FAM13C: variants seen among roughly 807,000 people sequenced by gnomAD.
FAM13C encodes the protein family with sequence similarity 13 member C.
A neutral mutation model predicts 73.2 loss-of-function variants in FAM13C; 37 were observed. The observed-to-expected ratio is 0.51, with a 90% CI of 0.39 to 0.67. The LOEUF (loss-of-function observed/expected upper bound fraction) is 0.67. FAM13C is among the 30% of genes least tolerant of loss of function. The pLI, the probability that FAM13C is intolerant of heterozygous loss-of-function variation, is 0.00. For synonymous variants in FAM13C, 246 were observed against 260.9 expected (o/e 0.94, Z 0.55); for missense variants, 589 against 715.6 (o/e 0.82, Z 2.02).
intron 4 of FAM13C, among the ~76,000 whole-genome samples, chr10:59,310,094 G>GAGC (rs1848745959): frequency 6.6e-6 from 1 of 152,194 alleles, no homozygotes; most frequent in Non-Finnish European, 1.5e-5. Flanking sequence ...AGTAAAAAGA[G>GAGC]AGCATCCAAC....
intron 8 of FAM13C, among the ~76,000 whole-genome samples, chr10:59,264,758 A>G (rs2452500): frequency 0.85 from 129,754 of 152,146 alleles, 57,885 homozygotes; most frequent in Non-Finnish European, 0.97. Context: ...AGGGGGATAC[A>G]CGGATTTCTA....
chr10:59,339,603 T>C (rs1029167592), intron 3 of FAM13C, among the ~76,000 whole-genome samples: 1 of 152,058 alleles, frequency 6.6e-6, no homozygotes, highest in Non-Finnish European at 1.5e-5. Flanking sequence ...ATGTCTTTAC[T>C]CCCCTCAACT....
At chr10:59,341,208 T>C (rs997491530) in intron 3 of FAM13C, among the ~76,000 whole-genome samples, 3 of 152,144 alleles carry the variant, frequency 2.0e-5, no homozygotes, top group African/African-American at 7.2e-5. Context: ...CTTTAAACCT[T>C]CACGGTCTCC....
At chr10:59,302,024 GC>G (rs1193995552) in intron 5 of FAM13C, among the ~76,000 whole-genome samples, 2 of 212 alleles carry the variant, frequency 9.4e-3, no homozygotes, top group Non-Finnish European at 0.019. Context: ...TAAACAATTT[GC>G]GGTAAAGCCC....
intron 4 of FAM13C, among the ~76,000 whole-genome samples, chr10:59,318,591 T>A (rs1849820870): frequency 6.6e-6 from 1 of 152,070 alleles, no homozygotes; most frequent in Non-Finnish European, 1.5e-5. Context: ...ACCTGAGAGA[T>A]GTGAGATAAG....
chr10:59,311,737 G>GGT (rs974626951), intron 4 of FAM13C, among the ~76,000 whole-genome samples: 9 of 152,104 alleles, frequency 5.9e-5, no homozygotes, highest in African/African-American at 1.9e-4. Flanking sequence ...GAGAAGGTGG[G>GGT]GTGTGTGTGT....
At chr10:59,296,896 A>G (rs147131026) in intron 5 of FAM13C, 1 of 152,364 alleles carries the variant, frequency 6.6e-6, no homozygotes, top group Non-Finnish European at 1.5e-5. Context: ...CAGAGGCAGA[A>G]CATACCTTTA....
At chr10:59,249,554 T>G (rs1841160106) in intron 13 of FAM13C, among the ~76,000 whole-genome samples, 5 of 152,286 alleles carry the variant, frequency 3.3e-5, no homozygotes, top group African/African-American at 9.6e-5. Context: ...TAATGTAATA[T>G]CTGCATGATT....
chr10:59,307,417 C>A (rs907084480), intron 4 of FAM13C, among the ~76,000 whole-genome samples: 1 of 152,120 alleles, frequency 6.6e-6, no homozygotes, highest in African/African-American at 2.4e-5. Context: ...AATTCACCAG[C>A]CCTTACTACC....
intron 5 of FAM13C, among the ~76,000 whole-genome samples, chr10:59,289,988 A>C (rs547302116): frequency 1.3e-5 from 2 of 152,268 alleles, no homozygotes; most frequent in East Asian, 3.9e-4. Context: ...GGGCTAACAG[A>C]CCCTGTAAAG....
intron 5 of FAM13C, among the ~76,000 whole-genome samples, chr10:59,294,099 G>A (rs1434027241): frequency 6.6e-6 from 1 of 152,150 alleles, no homozygotes; most frequent in East Asian, 1.9e-4. Flanking sequence ...CAATTTCTAA[G>A]TGAAAGGTTG....
chr10:59,263,092 G>T (rs1357606580), intron 9 of FAM13C, among the ~76,000 whole-genome samples: 1 of 152,152 alleles, frequency 6.6e-6, no homozygotes, highest in Non-Finnish European at 1.5e-5. Flanking sequence ...AGGAAATACA[G>T]GAGAGGATGG....
chr10:59,268,284 CAG>C (rs941877908), intron 8 of FAM13C, among the ~76,000 whole-genome samples: 2 of 150,814 alleles, frequency 1.3e-5, no homozygotes, highest in Non-Finnish European at 3.0e-5. Context: ...TTTTGTTCCT[CAG>C]AAAAAAAAAG....
chr10:59,269,397 G>A (rs1843437831), intron 7 of FAM13C, among the ~76,000 whole-genome samples: 1 of 147,016 alleles, frequency 6.8e-6, no homozygotes, highest in Non-Finnish European at 1.5e-5. Flanking sequence ...AGTGGAATGT[G>A]TAGGGGGCAG....
chr10:59,349,191 T>A (rs938998001), intron 3 of FAM13C, among the ~76,000 whole-genome samples: 20 of 152,222 alleles, frequency 1.3e-4, no homozygotes, highest in Admixed American at 2.6e-4. Flanking sequence ...CCACAGTGAT[T>A]CCTATTTCTG....
chr10:59,352,881 G>A (rs1005928288), intron 2 of FAM13C, among the ~76,000 whole-genome samples: 1 of 152,138 alleles, frequency 6.6e-6, no homozygotes, highest in African/African-American at 2.4e-5. Context: ...CTAATGGAAG[G>A]ACTAATCCAC....
chr10:59,331,878 T>C (rs920366802), intron 3 of FAM13C, among the ~76,000 whole-genome samples: 1 of 152,174 alleles, frequency 6.6e-6, no homozygotes, highest in African/African-American at 2.4e-5. Flanking sequence ...GTGAAAGCTA[T>C]TGCTGTTCCA....
intron 4 of FAM13C, among the ~76,000 whole-genome samples, chr10:59,306,336 G>C (rs1848247612): frequency 6.6e-6 from 1 of 152,158 alleles, no homozygotes. Flanking sequence ...TTAACCATTA[G>C]ATAAACCTCC....
At chr10:59,269,522 T>A (rs749285398) in intron 7 of FAM13C, among the ~76,000 whole-genome samples, 42 of 152,018 alleles carry the variant, frequency 2.8e-4, no homozygotes, top group Non-Finnish European at 5.0e-4. Flanking sequence ...GATGGACAGC[T>A]CCCAAGTGTT....
Sources: allele counts gnomAD v4.1 joint callset (sites outside exome capture counted in the v4.1 genomes callset), GRCh38; gene constraint gnomAD v4.1.1; transcripts MANE v1.5; gene names NCBI Gene and HGNC (gene_info 2026-07-23, HGNC 2026-07-21).